Variants in DNAH14 observed in about 807,000 individuals in gnomAD.
The protein encoded by DNAH14 is dynein axonemal heavy chain 14.
In DNAH14, 478 loss-of-function variants were observed where a neutral mutation model predicts 520.9. That is an observed-to-expected ratio of 0.92 (90% CI 0.85 to 0.99). The LOEUF (loss-of-function observed/expected upper bound fraction) is 0.99. Ranked by LOEUF, DNAH14 falls within the 50% of genes least tolerant of loss-of-function variation. The probability of loss-of-function intolerance (pLI) is 0.00; values close to 1 mark genes in which losing one functional copy is unlikely to be tolerated. For missense variants in DNAH14, 4,831 were observed against 5,234.5 expected, an observed-to-expected ratio of 0.92 and a Z score of 2.38; for synonymous variants, 1,581 against 1,757.2, an observed-to-expected ratio of 0.90 and a Z score of 2.51.
Position 225,034,072 on chromosome 1 carries a change from G to C in DNAH14, c.1359-4622G>C, listed in dbSNP as rs2066748352. Among the ~76,000 whole-genome samples, 3 of 152,102 alleles carry C rather than the reference G, an allele frequency of 2.0e-5. No homozygotes were observed. The South Asian group carries it at 6.2e-4, about 32-fold the overall frequency. ...CTTTATTTCTTTCTCTTGCCTGATT[G>C]CTCTGGCCAGAACTTCCAGTACTAT... On this transcript the variant is annotated intron_variant, in intron 11 of 85. Transcript: ENST00000682510.
chr1:225,095,335 C>A (rs1056495621), intron 21 of DNAH14, among the ~76,000 whole-genome samples: 19 of 152,194 alleles, frequency 1.2e-4, no homozygotes, highest in African/African-American at 4.6e-4. Context: ...AGAATGAGAT[C>A]ATGTTCTTTG....
intron 77 of DNAH14, among the ~76,000 whole-genome samples, chr1:225,373,150 G>A (rs1418276720): frequency 1.5e-5 from 2 of 132,344 alleles, no homozygotes; most frequent in African/African-American, 5.3e-5. Flanking sequence ...GGCACAGTGT[G>A]TATGCTAAAC....
intron 21 of DNAH14, among the ~76,000 whole-genome samples, chr1:225,090,919 T>TAAGTGAA (rs1392898201): frequency 6.6e-6 from 1 of 152,172 alleles, no homozygotes; most frequent in African/African-American, 2.4e-5. Flanking sequence ...AAGACACTTT[T>TAAGTGAA]AAGTGAATAC....
intron 83 of DNAH14, among the ~76,000 whole-genome samples, chr1:225,390,818 C>T (rs2095900219): frequency 6.6e-6 from 1 of 152,108 alleles, no homozygotes; most frequent in Non-Finnish European, 1.5e-5. Flanking sequence ...GTAACTATCC[C>T]TGTTTGCAGA....
chr1:224,963,306 C>T (rs894488499), intron 4 of DNAH14, among the ~76,000 whole-genome samples: 1 of 151,802 alleles, frequency 6.6e-6, no homozygotes, highest in Non-Finnish European at 1.5e-5. Flanking sequence ...CATTGTTTTC[C>T]TTTTAACATG....
Position 225,207,116 on chromosome 1 carries a change from A to T in DNAH14, c.6335A>T (p.Lys2112Ile). The change falls in exon 41 of 86, where the codon AAA (lysine) becomes ATA (isoleucine). Residue 2112 changes from lysine (K) to isoleucine (I), a missense_variant. Physicochemically the swap from Lys to Ile is moderately radical, Grantham distance 102. Transcript: ENST00000682510. Reference protein sequence around the residue: ...DGLQFIRNRQKFQPYPMEDIT... With the variant: ...DGLQFIRNRQIFQPYPMEDIT... ...CTACAATTTATAAGGAATCGTCAGA[A>T]ATTTCAGCCATATCCTATGGAGGAC... 2.6e-6 allele frequency: 4 copies of T among 1,551,140 alleles called. No homozygotes were observed. Among genetic ancestry groups the T allele is most frequent in the Non-Finnish European group, 3.5e-6 (4 of 1,146,666 alleles).
intron 17 of DNAH14, among the ~76,000 whole-genome samples, chr1:225,056,163 G>A (rs925117943): frequency 2.6e-5 from 4 of 151,936 alleles, no homozygotes; most frequent in African/African-American, 9.7e-5. Flanking sequence ...CAGTGTAAAA[G>A]TGCTCCTATT....
At chr1:224,995,954 T>C (rs186177366) in intron 8 of DNAH14, among the ~76,000 whole-genome samples, 6 of 152,212 alleles carry the variant, frequency 3.9e-5, no homozygotes, top group African/African-American at 1.2e-4. Context: ...AGTTAATTTT[T>C]TATACATATC....
chr1:224,959,726 A>G (rs1325522474), intron 3 of DNAH14, among the ~76,000 whole-genome samples: 5 of 152,106 alleles, frequency 3.3e-5, no homozygotes, highest in Admixed American at 2.6e-4. Flanking sequence ...CCTCTTCTGT[A>G]TTTATTTCAT....
intron 22 of DNAH14, 37 bp from the exon 23 acceptor site, chr1:225,100,675 TA>T (rs1362328206): frequency 1.9e-5 from 28 of 1,435,958 alleles, no homozygotes; most frequent in South Asian, 6.1e-5. Flanking sequence ...CATAGTGCCT[TA>T]AAAAAAATAA....
intron 8 of DNAH14, among the ~76,000 whole-genome samples, chr1:224,977,779 A>G (rs1429351391): frequency 6.6e-6 from 1 of 152,240 alleles, no homozygotes; most frequent in Non-Finnish European, 1.5e-5. Context: ...TTCATTCTAT[A>G]AGGGATTAAT....
chr1:225,146,252 A>G (rs777594515), intron 30 of DNAH14, among the ~76,000 whole-genome samples: 5 of 152,174 alleles, frequency 3.3e-5, no homozygotes, highest in Non-Finnish European at 5.9e-5. Flanking sequence ...CAAAATTTTA[A>G]ATTAAGACAA....
chr1:224,984,843 A>G (rs548809775), intron 8 of DNAH14, among the ~76,000 whole-genome samples: 5 of 152,180 alleles, frequency 3.3e-5, no homozygotes, highest in Non-Finnish European at 7.4e-5. Flanking sequence ...AAGATATACA[A>G]ATGGCTAACA....
chr1:225,107,737 G>A (rs759254276), intron 23 of DNAH14, among the ~76,000 whole-genome samples: 1 of 152,078 alleles, frequency 6.6e-6, no homozygotes, highest in South Asian at 2.1e-4. Flanking sequence ...CATAGTGGTT[G>A]TACTAATTTA....
rs1000248434 is a variant in DNAH14, at chr1:225,346,488, A to C, written c.11130A>C (p.Lys3710Asn). 6.4e-7 allele frequency: 1 copy of C among 1,550,870 alleles called. No individual in the cohort carries two copies. Among genetic ancestry groups the C allele is most frequent in the Non-Finnish European group, 8.7e-7 (1 of 1,146,744 alleles). Residue 3710 changes from lysine (K) to asparagine (N), a missense_variant, in exon 71 of 86, where the codon AAA becomes AAC. Lys to Asn is a moderately conservative substitution (Grantham distance 94). Transcript: ENST00000682510. ...VVSSALFNED[K>N]LCFSFRLCTV... ...CTTCAGCTCTATTTAATGAAGATAA[A>C]CTTTGCTTCTCTTTTCGGCTTTGCA...
At chr1:225,340,194 C>A (rs2095149895) in intron 68 of DNAH14, among the ~76,000 whole-genome samples, 1 of 152,084 alleles carries the variant, frequency 6.6e-6, no homozygotes, top group African/African-American at 2.4e-5. Flanking sequence ...GTCAAAACTT[C>A]TACTATTTAA....
intron 27 of DNAH14, among the ~76,000 whole-genome samples, chr1:225,126,998 T>G (rs1045616945): frequency 4.0e-5 from 6 of 151,564 alleles, no homozygotes; most frequent in Non-Finnish European, 8.8e-5. Context: ...GTTGTTCAGT[T>G]TCCATGTAGT....
At chr1:225,168,351 G>T (rs2082243614) in intron 36 of DNAH14, among the ~76,000 whole-genome samples, 1 of 152,210 alleles carries the variant, frequency 6.6e-6, no homozygotes, top group Admixed American at 6.5e-5. Context: ...GCAGGGCGAG[G>T]CATCGCCTCA....
At chr1:225,335,886 T>TGC (rs2095016033) in intron 66 of DNAH14, among the ~76,000 whole-genome samples, 1 of 31,666 alleles carries the variant, frequency 3.2e-5, no homozygotes. Flanking sequence ...TACATATATG[T>TGC]ACATATACAT....
Sources: gnomAD v4.1 joint callset for allele counts (sites outside exome capture counted in the v4.1 genomes callset) on GRCh38, gnomAD v4.1.1 for gene constraint, MANE v1.5 for transcripts, NCBI Gene and HGNC (gene_info 2026-07-23, HGNC 2026-07-21) for gene names.